ULK4: variants seen among roughly 807,000 people sequenced by gnomAD.
ULK4 encodes unc-51 like kinase 4.
In ULK4, 133 loss-of-function variants were observed where a neutral mutation model predicts 160.6. That is an observed-to-expected ratio of 0.83 (90% CI 0.72 to 0.96). The LOEUF (loss-of-function observed/expected upper bound fraction) is 0.96. Ranked by LOEUF, ULK4 falls within the 40% of genes least tolerant of loss-of-function variation. The probability of loss-of-function intolerance (pLI) is 0.00; values close to 1 mark genes in which losing one functional copy is unlikely to be tolerated. For missense variants in ULK4, 1,580 were observed against 1,499.5 expected (o/e 1.05, Z -0.89); for synonymous variants, 534 against 539.8 (o/e 0.99, Z 0.15).
intron 31 of ULK4, among the ~76,000 whole-genome samples, chr3:41,569,777 G>C (rs1426704180): frequency 1.7e-5 from 2 of 119,604 alleles, no homozygotes; most frequent in Non-Finnish European, 3.7e-5. Flanking sequence ...CCATTTGAAT[G>C]ACTACCCTAC....
chr3:41,432,956 A>C (rs577114014), intron 34 of ULK4, among the ~76,000 whole-genome samples: 2 of 152,294 alleles, frequency 1.3e-5, no homozygotes, highest in South Asian at 4.1e-4. Context: ...CCTGGAGTGG[A>C]AAGACATTTT....
chr3:41,913,014 A>G, intron 8 of ULK4, 115 bp from the exon 9 acceptor site: 3 of 786,642 alleles, frequency 3.8e-6, no homozygotes, highest in Admixed American at 5.5e-5. Flanking sequence ...GTACCTTTGA[A>G]ATCATTTTAT....
At chr3:41,838,285 A>G (rs185544527) in intron 17 of ULK4, among the ~76,000 whole-genome samples, 17 of 152,350 alleles carry the variant, frequency 1.1e-4, no homozygotes, top group Non-Finnish European at 2.9e-5. Flanking sequence ...TTCGTAGTTG[A>G]GCAAAAATTG....
intron 34 of ULK4, among the ~76,000 whole-genome samples, chr3:41,443,110 T>A (rs2083209800): frequency 6.6e-6 from 1 of 152,136 alleles, no homozygotes; most frequent in Non-Finnish European, 1.5e-5. Flanking sequence ...TGGAACATCT[T>A]TATCCTTTTC....
At chr3:41,260,866 C>T (rs138204503) in intron 35 of ULK4, among the ~76,000 whole-genome samples, 4 of 152,170 alleles carry the variant, frequency 2.6e-5, no homozygotes, top group Non-Finnish European at 2.9e-5. Flanking sequence ...CTATGTGAGG[C>T]GGTCTGTCAC....
chr3:41,784,505 C>G (rs528522522), intron 21 of ULK4, among the ~76,000 whole-genome samples: 1 of 152,210 alleles, frequency 6.6e-6, no homozygotes, highest in African/African-American at 2.4e-5. Context: ...GATTTTTAAT[C>G]AAAAGTCCCC....
chr3:41,838,936 G>C (rs1470919078), intron 17 of ULK4, among the ~76,000 whole-genome samples: 1 of 152,174 alleles, frequency 6.6e-6, no homozygotes, highest in African/African-American at 2.4e-5. Context: ...GTGGGGAATA[G>C]GGAGATGTTG....
chr3:41,721,347 T>TATAC (rs1444163492), intron 22 of ULK4, among the ~76,000 whole-genome samples: 1 of 58,076 alleles, frequency 1.7e-5, no homozygotes, highest in African/African-American at 8.8e-5. Flanking sequence ...TATATATATA[T>TATAC]ATATATATAT....
rs560145480 is a variant in ULK4 at position 41,404,666 on chromosome 3, G to A, written c.3493-6402C>T. On this transcript the variant is annotated intron_variant, in intron 34 of 36. Transcript: ENST00000301831. The stretch of plus-strand genomic sequence containing the variant: ...ATAAATGGATTAATTCTGCCACAGA[G>A]GGAGTAGAGTCATTATCACAGGATT... Among the ~76,000 whole-genome samples the A allele has an allele frequency of 2.3e-4, 35 of 152,254 alleles. No homozygotes were observed. The South Asian group carries it at 7.0e-3, about 31-fold the overall frequency.
intron 22 of ULK4, among the ~76,000 whole-genome samples, chr3:41,733,492 T>A (rs975051158): frequency 2.6e-5 from 4 of 152,010 alleles, no homozygotes; most frequent in African/African-American, 9.7e-5. Context: ...AATGCAAGAA[T>A]GCAGACTTCC....
chr3:41,510,481 A>C (rs944684691), intron 32 of ULK4, among the ~76,000 whole-genome samples: 1 of 152,246 alleles, frequency 6.6e-6, no homozygotes, highest in African/African-American at 2.4e-5. Context: ...GAAAAAATGT[A>C]TGTACAAGAC....
intron 34 of ULK4, among the ~76,000 whole-genome samples, chr3:41,403,650 T>C (rs965517978): frequency 2.6e-5 from 4 of 152,194 alleles, no homozygotes; most frequent in African/African-American, 9.6e-5. Flanking sequence ...AGCTTTGCAA[T>C]TTTTCTAGTT....
intron 30 of ULK4, among the ~76,000 whole-genome samples, chr3:41,635,650 C>T (rs1056668171): frequency 3.3e-5 from 5 of 152,116 alleles, no homozygotes; most frequent in Admixed American, 2.6e-4. Flanking sequence ...GTGCTATGTG[C>T]TTGGACATCC....
intron 5 of ULK4, among the ~76,000 whole-genome samples, chr3:41,921,174 T>C: frequency 6.6e-6 from 1 of 151,770 alleles, no homozygotes. Context: ...TAGCTGGGCA[T>C]GGTGGAGGGC....
chr3:41,642,899 G>A (rs1251600255), intron 30 of ULK4, among the ~76,000 whole-genome samples: 1 of 152,140 alleles, frequency 6.6e-6, no homozygotes, highest in Non-Finnish European at 1.5e-5. Context: ...GGTGTGAGAT[G>A]GTATCTCATT....
rs976625204 is a variant in ULK4, at chr3:41,549,107, G to A, written c.3226+16918C>T. On this transcript the variant is annotated intron_variant, in intron 32 of 36. Coordinates refer to ENST00000301831, the MANE Select transcript of ULK4 (RefSeq NM_017886.4). ...AAGTGCCTGTTACACAAGATGCATC[G>A]ATATCAACATAAGGACATAAGAGAA... 1.6e-4 allele frequency among the ~76,000 whole-genome samples: 24 copies of A among 152,042 alleles called. No individual in the cohort carries two copies. In the East Asian group the frequency reaches 2.1e-3, roughly 13 times the overall value.
intron 34 of ULK4, among the ~76,000 whole-genome samples, chr3:41,410,992 C>T (rs1383601060): frequency 1.3e-5 from 2 of 152,200 alleles, no homozygotes; most frequent in African/African-American, 4.8e-5. Flanking sequence ...GGATATTCTA[C>T]AGGAGTGGAG....
chr3:41,422,620 A>T (rs1270317287), intron 34 of ULK4, among the ~76,000 whole-genome samples: 2 of 152,036 alleles, frequency 1.3e-5, no homozygotes, highest in African/African-American at 2.4e-5. Context: ...CCGCAGTCCA[A>T]ATTGAAAGTT....
chr3:41,507,221 C>G (rs2085426547), intron 32 of ULK4, among the ~76,000 whole-genome samples: 1 of 145,798 alleles, frequency 6.9e-6, no homozygotes, highest in African/African-American at 2.5e-5. Flanking sequence ...TTCTGCTCCC[C>G]AGCTTCCTCA....
Sources: allele counts gnomAD v4.1 joint callset (sites outside exome capture counted in the v4.1 genomes callset), GRCh38; gene constraint gnomAD v4.1.1; transcripts MANE v1.5; gene names NCBI Gene and HGNC (gene_info 2026-07-23, HGNC 2026-07-21).